The following SEZ6L variants were observed in gnomAD, a reference collection of about 807,000 sequenced individuals.
SEZ6L encodes seizure 6-like protein.
Under a neutral mutation model 106.2 loss-of-function variants are expected in SEZ6L, and 37 were observed. The observed-to-expected ratio is 0.35, with a 90% CI of 0.27 to 0.46. SEZ6L has a LOEUF of 0.46. Among genes scored for constraint, SEZ6L ranks in the 20% least tolerant of loss-of-function variants. The pLI, the probability that SEZ6L is intolerant of heterozygous loss-of-function variation, is 1.00. For synonymous variants in SEZ6L, 541 were observed against 570.4 expected (o/e 0.95, Z 0.73); for missense variants, 1,172 against 1,332.8 (o/e 0.88, Z 1.88).
At chr22:26,376,050 T>C (rs1368720011) in intron 15 of SEZ6L, among the ~76,000 whole-genome samples, 1 of 152,172 alleles carries the variant, frequency 6.6e-6, no homozygotes, top group Non-Finnish European at 1.5e-5. Context: ...ATATCAGACA[T>C]TGTCCCAGGT....
intron 1 of SEZ6L, among the ~76,000 whole-genome samples, chr22:26,249,591 A>C (rs775848183): frequency 3.4e-4 from 51 of 152,106 alleles, no homozygotes; most frequent in Non-Finnish European, 5.7e-4. Flanking sequence ...TTATGGACTT[A>C]GGCTGATTTC....
At position 26,351,225 on chromosome 22, in the gene SEZ6L, C is replaced by G; in HGVS notation, c.2581C>G (p.Arg861Gly). Residue 861 changes from arginine to glycine, a missense_variant, in exon 12 of 17, where the codon CGC (arginine) becomes GGC (glycine). This residue lies in a region of SEZ6L where 534 missense variants were observed against 691.0 expected (regional missense o/e 0.77). Transcript: ENST00000248933. ...RETGTPIWTS[R>G]LPHCVSEESL... Reference sequence around the variant, plus strand: ...AACAGGGACTCCCATCTGGACGTCTCGCCTGCCCCACTGCGTTTGTGAGTC... The same window carrying G: ...AACAGGGACTCCCATCTGGACGTCTGGCCTGCCCCACTGCGTTTGTGAGTC... 2 of 1,613,924 alleles carry G rather than the reference C, an allele frequency of 1.2e-6. No individual in the cohort carries two copies. Among genetic ancestry groups the G allele is most frequent in the Non-Finnish European group, 1.7e-6 (2 of 1,179,898 alleles).
chr22:26,263,599 C>T (rs573181652), intron 1 of SEZ6L, among the ~76,000 whole-genome samples: 58 of 152,336 alleles, frequency 3.8e-4, no homozygotes, highest in African/African-American at 1.3e-3. Flanking sequence ...ACAGACCCTA[C>T]GTCCAGCTCT....
intron 1 of SEZ6L, among the ~76,000 whole-genome samples, chr22:26,244,085 C>T (rs558398492): frequency 1.3e-5 from 2 of 152,066 alleles, no homozygotes; most frequent in African/African-American, 4.8e-5. Context: ...ATCACTTGAA[C>T]CTGAGAGGTT....
intron 4 of SEZ6L, 38 bp downstream of exon 4, chr22:26,297,118 G>T: frequency 6.7e-7 from 1 of 1,500,776 alleles, no homozygotes; most frequent in Non-Finnish European, 9.0e-7. Flanking sequence ...ATAGGCGTTT[G>T]CCTCAGTTTC....
At chr22:26,274,087 C>G (rs1055662195) in intron 1 of SEZ6L, among the ~76,000 whole-genome samples, 7 of 152,160 alleles carry the variant, frequency 4.6e-5, no homozygotes, top group Non-Finnish European at 1.0e-4. Flanking sequence ...AACTTTCTGT[C>G]CAGTGCTTTT....
chr22:26,251,304 G>A (rs138916001), intron 1 of SEZ6L, among the ~76,000 whole-genome samples: 29 of 150,164 alleles, frequency 1.9e-4, no homozygotes, highest in Non-Finnish European at 4.0e-4. Context: ...TTATTGTGTT[G>A]AGGTATTCTC....
chr22:26,306,155 G>A lies in SEZ6L; in HGVS notation c.1514+11G>A. 6.2e-7 allele frequency: 1 copy of A among 1,611,736 alleles called. No individual in the cohort carries two copies. The highest frequency in any genetic ancestry group is 8.5e-7 in the Non-Finnish European group (1 of 1,179,812). ...GCATGACAAGGACAGGTAAAGCTCT[G>A]AAGGTCCACACCCAACCCCGTTTCT... On this transcript the variant is annotated intron_variant, in intron 6 of 16. Transcript: ENST00000248933.
intron 1 of SEZ6L, among the ~76,000 whole-genome samples, chr22:26,237,597 CTTA>C (rs2078991747): frequency 6.6e-6 from 1 of 152,218 alleles, no homozygotes; most frequent in African/African-American, 2.4e-5. Flanking sequence ...CAGTGTTGCT[CTTA>C]TTGTTTTACT....
chr22:26,278,483 T>A (rs1041737841), intron 1 of SEZ6L, among the ~76,000 whole-genome samples: 29 of 152,192 alleles, frequency 1.9e-4, no homozygotes, highest in Non-Finnish European at 2.9e-4. Context: ...ACTATTTCCA[T>A]CTTTATGTCC....
At chr22:26,334,629 A>T (rs778660728) in intron 9 of SEZ6L, among the ~76,000 whole-genome samples, 24 of 152,220 alleles carry the variant, frequency 1.6e-4, no homozygotes, top group Non-Finnish European at 3.4e-4. Context: ...GAAACCACCG[A>T]GGTGCTGTCC....
intron 1 of SEZ6L, among the ~76,000 whole-genome samples, chr22:26,249,204 G>C (rs961887309): frequency 6.6e-6 from 1 of 152,038 alleles, no homozygotes; most frequent in Non-Finnish European, 1.5e-5. Flanking sequence ...CTAGCTATTT[G>C]AATATATACA....
At chr22:26,343,522 A>G (rs560729144) in intron 10 of SEZ6L, among the ~76,000 whole-genome samples, 3 of 152,320 alleles carry the variant, frequency 2.0e-5, no homozygotes, top group Admixed American at 1.3e-4. Flanking sequence ...ACATCTTCAA[A>G]TGCATTATCT....
At chr22:26,279,424 CAGAG>C (rs1413698686) in intron 1 of SEZ6L, among the ~76,000 whole-genome samples, 6 of 152,144 alleles carry the variant, frequency 3.9e-5, no homozygotes, top group African/African-American at 1.4e-4. Flanking sequence ...TGTTGAATCA[CAGAG>C]AGTCAATCTG....
At chr22:26,303,891 G>T (rs1035971812) in intron 5 of SEZ6L, among the ~76,000 whole-genome samples, 1 of 152,136 alleles carries the variant, frequency 6.6e-6, no homozygotes, top group Admixed American at 6.5e-5. Context: ...TATTTTTCAA[G>T]CTCCTTTGAT....
chr22:26,292,912 C>G lies in SEZ6L; in HGVS notation c.601C>G (p.Gln201Glu). Reference sequence around the variant, plus strand: ...GGTCCCTACAACACCCGCACCCCTGCAAATCTCCCCCTTCACTTCGCAGCC... The same window carrying G: ...GGTCCCTACAACACCCGCACCCCTGGAAATCTCCCCCTTCACTTCGCAGCC... ...SAVPTTPAPLQISPFTSQPYV... is the reference protein window; with the variant it reads ...SAVPTTPAPLEISPFTSQPYV... Residue 201 changes from glutamine (Q) to glutamate (E), a missense_variant, in exon 2 of 17, where the codon CAA becomes GAA. Gln to Glu is a conservative substitution (Grantham distance 29). Around this residue, in one of 4 missense-constraint regions of SEZ6L, gnomAD observed 494 missense variants for 445.8 expected, o/e 1.11. Transcript: ENST00000248933. 1 of 1,614,190 alleles carries G rather than the reference C, an allele frequency of 6.2e-7. No individual in the cohort carries two copies. Among genetic ancestry groups the G allele is most frequent in the Admixed American group, 1.7e-5 (1 of 60,022 alleles).
intron 9 of SEZ6L, among the ~76,000 whole-genome samples, chr22:26,319,366 C>T (rs1183277043): frequency 2.0e-5 from 3 of 151,502 alleles, no homozygotes; most frequent in African/African-American, 7.2e-5. Context: ...GAAGTCATAG[C>T]ACCCATGCTC....
chr22:26,327,285 C>T (rs1242052363), intron 9 of SEZ6L, among the ~76,000 whole-genome samples: 1 of 138,896 alleles, frequency 7.2e-6, no homozygotes, highest in East Asian at 2.2e-4. Context: ...CACACACCAC[C>T]CCACACATAC....
chr22:26,202,879 T>C (rs1941057951), intron 1 of SEZ6L, among the ~76,000 whole-genome samples: 1 of 152,240 alleles, frequency 6.6e-6, no homozygotes, highest in Non-Finnish European at 1.5e-5. Context: ...TTTAATACCT[T>C]AACACTGGGC....
Sources: gnomAD v4.1 joint callset for allele counts (sites outside exome capture counted in the v4.1 genomes callset) on GRCh38, gnomAD v4.1.1 for gene constraint, gnomAD v4.1.1 regional missense constraint, MANE v1.5 for transcripts, NCBI Gene and HGNC (gene_info 2026-07-23, HGNC 2026-07-21) for gene names.